Variants in SLC15A1 observed in about 807,000 individuals in gnomAD.
The protein encoded by SLC15A1 is Caco-2 oligopeptide transporter.
A neutral mutation model predicts 92.9 loss-of-function variants in SLC15A1; 83 were observed. The ratio of observed to expected loss-of-function variants is 0.89; its 90% confidence interval spans 0.75 to 1.07. SLC15A1 has a LOEUF of 1.07. Ranked by LOEUF, SLC15A1 falls within the 50% of genes least tolerant of loss-of-function variation. The probability of loss-of-function intolerance (pLI) is 0.00; values close to 1 mark genes in which losing one functional copy is unlikely to be tolerated. For missense variants in SLC15A1, 857 were observed against 880.1 expected (o/e 0.97, Z 0.33); for synonymous variants, 322 against 318.2 (o/e 1.01, Z -0.13).
chr13:98,745,097 C>T (rs932501576), intron 1 of SLC15A1, among the ~76,000 whole-genome samples: 2 of 152,124 alleles, frequency 1.3e-5, no homozygotes, highest in Non-Finnish European at 2.9e-5. Flanking sequence ...AGAATGGGAA[C>T]GTCGTTTTTA....
At chr13:98,713,772 C>T (rs1248372886) in intron 9 of SLC15A1, among the ~76,000 whole-genome samples, 4 of 152,088 alleles carry the variant, frequency 2.6e-5, no homozygotes, top group Admixed American at 1.3e-4. Flanking sequence ...GTTGGCCAGG[C>T]GCAGTGGCTC....
At chr13:98,715,613 C>A (rs1042562662) in intron 9 of SLC15A1, among the ~76,000 whole-genome samples, 1 of 152,176 alleles carries the variant, frequency 6.6e-6, no homozygotes, top group Admixed American at 6.5e-5. Flanking sequence ...CACTGTTCTG[C>A]CATTTCGACA....
chr13:98,702,534 G>C lies in SLC15A1; in HGVS notation c.1417-5C>G. 6.3e-7 allele frequency: 1 copy of C among 1,594,994 alleles called. No individual in the cohort carries two copies. Among genetic ancestry groups the C allele is most frequent in the Non-Finnish European group, 8.6e-7 (1 of 1,163,078 alleles). ...CTGGTTAAGACCATCCTTTACCTGAGAGAGAAAACAGTAATGTAAAAATAT... is the reference window on the plus strand; with the variant it reads ...CTGGTTAAGACCATCCTTTACCTGACAGAGAAAACAGTAATGTAAAAATAT... On this transcript the variant is annotated splice_region_variant and splice_polypyrimidine_tract_variant and intron_variant, in intron 17 of 22. Coordinates refer to ENST00000376503, the MANE Select transcript of SLC15A1 (RefSeq NM_005073.4).
At chr13:98,708,609 T>C (rs901519266) in intron 15 of SLC15A1, 77 bp downstream of exon 15, 17 of 1,309,390 alleles carry the variant, frequency 1.3e-5, no homozygotes, top group Non-Finnish European at 1.6e-5. Context: ...ATCCCCTTCA[T>C]GCTGAAGAAA....
intron 1 of SLC15A1, among the ~76,000 whole-genome samples, chr13:98,749,410 G>T (rs1373527489): frequency 2.0e-5 from 3 of 152,172 alleles, no homozygotes; most frequent in Admixed American, 1.3e-4. Flanking sequence ...GCAGGTGCTT[G>T]CTGCATTGAA....
intron 18 of SLC15A1, among the ~76,000 whole-genome samples, chr13:98,689,042 C>G (rs965482884): frequency 6.6e-6 from 1 of 152,092 alleles, no homozygotes; most frequent in African/African-American, 2.4e-5. Flanking sequence ...CAGGTTCAAG[C>G]GATTTTCCTG....
chr13:98,749,379 T>G (rs373515083), intron 1 of SLC15A1, among the ~76,000 whole-genome samples: 157 of 152,290 alleles, frequency 1.0e-3, no homozygotes, highest in African/African-American at 3.6e-3. Context: ...CCAATCAACC[T>G]GGAGGTCTTG....
chr13:98,723,947 G>A lies in SLC15A1; in HGVS notation c.330C>T (p.Asn110=), dbSNP rs8187822. The A allele has an allele frequency of 9.9e-6, 16 of 1,614,070 alleles. No individual in the cohort carries two copies. The highest frequency in any genetic ancestry group is 2.7e-5 in the African/African-American group (2 of 74,934). Residue 110 remains asparagine, a synonymous_variant, in exon 5 of 23, where the codon AAC becomes AAT. Transcript: ENST00000376503. ...VSSINDLTDH[N]HDGTPDSLPV... ...GAAGGCTGTCGGGGGTGCCATCATG[G>A]TTGTGGTCTGTGAGGTCATTAATGG...
chr13:98,700,484 CAA>C (rs56342746), intron 18 of SLC15A1, among the ~76,000 whole-genome samples: 5 of 50,910 alleles, frequency 9.8e-5, no homozygotes, highest in African/African-American at 3.7e-4. Context: ...GACCCTGTCT[CAA>C]AAAAAAAAAA....
chr13:98,719,406 T>G (rs1593996508), intron 7 of SLC15A1, 86 bp from the exon 8 acceptor site: 2 of 935,292 alleles, frequency 2.1e-6, no homozygotes, highest in East Asian at 4.9e-5. Flanking sequence ...CACTGATAAT[T>G]ACGTATTGCT....
chr13:98,688,218 T>A (rs2087946268), intron 20 of SLC15A1, 30 bp downstream of exon 20: 1 of 1,438,302 alleles, frequency 7.0e-7, no homozygotes, highest in Non-Finnish European at 9.8e-7. Flanking sequence ...TATGAGCAGA[T>A]CTTCTGATAC....
At chr13:98,717,578 C>A (rs1044718375) in intron 8 of SLC15A1, among the ~76,000 whole-genome samples, 9 of 152,068 alleles carry the variant, frequency 5.9e-5, no homozygotes, top group African/African-American at 2.2e-4. Context: ...CTGTCTCCTG[C>A]CAAGAATTAG....
In SLC15A1 at chr13:98,687,650, C is replaced by A. The variant is rs773475764; in HGVS notation, c.1758G>T (p.Pro586=). The part of the protein sequence containing the change: ...ANTVNMALQI[P]QYFLLTCGEV... The stretch of plus-strand genomic sequence containing the variant: ...CGCCACAGGTGAGAAGAAAATACTG[C>A]GGGATTTGCAGAGCCATGTTAACTG... Residue 586 remains proline, a synonymous_variant, in exon 21 of 23, where the codon CCG becomes CCT. Coordinates refer to ENST00000376503, the MANE Select transcript of SLC15A1 (RefSeq NM_005073.4). 2.5e-6 allele frequency: 4 copies of A among 1,613,964 alleles called. No homozygotes were observed. Among genetic ancestry groups the A allele is most frequent in the African/African-American group, 2.7e-5 (2 of 74,904 alleles).
intron 9 of SLC15A1, among the ~76,000 whole-genome samples, chr13:98,715,168 T>C (rs1234353768): frequency 6.6e-6 from 1 of 152,156 alleles, no homozygotes; most frequent in Non-Finnish European, 1.5e-5. Flanking sequence ...TTTTAAATAT[T>C]TTTTTCTTAC....
chr13:98,752,503 T>C, intron 1 of SLC15A1, 92 bp downstream of exon 1: 3 of 1,168,952 alleles, frequency 2.6e-6, no homozygotes, highest in Non-Finnish European at 3.3e-6. Flanking sequence ...CGCCGCCGCG[T>C]ACCCTTCGCG....
intron 11 of SLC15A1, among the ~76,000 whole-genome samples, chr13:98,711,365 C>A (rs191581161): frequency 1.2e-4 from 18 of 152,274 alleles, no homozygotes; most frequent in Admixed American, 9.8e-4. Flanking sequence ...AGGTCACCTG[C>A]CAGGTTGTAG....
chr13:98,736,016 A>G (rs2088391158), intron 1 of SLC15A1, among the ~76,000 whole-genome samples: 1 of 152,242 alleles, frequency 6.6e-6, no homozygotes, highest in Non-Finnish European at 1.5e-5. Context: ...GAAACCAAAA[A>G]AGAGCCCTCT....
intron 18 of SLC15A1, among the ~76,000 whole-genome samples, chr13:98,695,272 A>G (rs369710474): frequency 6.6e-6 from 1 of 152,142 alleles, no homozygotes. Flanking sequence ...TATTTTTTAG[A>G]TACAGGGTCT....
Position 98,709,886 on chromosome 13 carries a change from G to A in SLC15A1, c.926C>T (p.Thr309Ile). 6 of 1,614,188 alleles carry A rather than the reference G, an allele frequency of 3.7e-6. No homozygotes were observed. Among genetic ancestry groups the A allele is most frequent in the Non-Finnish European group, 4.2e-6 (5 of 1,180,024 alleles). Residue 309 changes from threonine to isoleucine, a missense_variant, in exon 12 of 23, where the codon ACA (threonine) becomes ATA (isoleucine). Physicochemically the swap from Thr to Ile is moderately conservative, Grantham distance 89 (BLOSUM62 -1). Transcript: ENST00000376503. The part of the protein sequence containing the change: ...QQGSRWTLQA[T>I]TMSGKIGALE... Reference sequence around the variant, plus strand: ...ACTTACGATTTTCCCGGACATAGTTGTTGCCTGCAGTGTCCACCTGGAGCC... The same window carrying A: ...ACTTACGATTTTCCCGGACATAGTTATTGCCTGCAGTGTCCACCTGGAGCC...
Sources: allele counts gnomAD v4.1 joint callset (sites outside exome capture counted in the v4.1 genomes callset), GRCh38; gene constraint gnomAD v4.1.1; transcripts MANE v1.5; gene names NCBI Gene and HGNC (gene_info 2026-07-23, HGNC 2026-07-21).